Variants in ASTN2 observed in about 807,000 individuals in gnomAD.
The protein encoded by ASTN2 is astrotactin 2, also known as astrotactin-2.
ASTN2 carries 54 observed loss-of-function variants against 139.8 expected under a neutral mutation model. That is an observed-to-expected ratio of 0.39 (90% CI 0.31 to 0.48). The LOEUF is 0.48. Ranked by LOEUF, ASTN2 falls within the 20% of genes least tolerant of loss-of-function variation. The probability of loss-of-function intolerance (pLI) is 0.95; values close to 1 mark genes in which losing one functional copy is unlikely to be tolerated. For missense variants in ASTN2, 1,565 were observed against 1,725.1 expected, an observed-to-expected ratio of 0.91 and a Z score of 1.64; for synonymous variants, 756 against 719.5, an observed-to-expected ratio of 1.05 and a Z score of -0.81.
intron 19 of ASTN2, among the ~76,000 whole-genome samples, chr9:116,569,970 T>C (rs1665648191): frequency 1.3e-5 from 2 of 152,198 alleles, no homozygotes; most frequent in African/African-American, 2.4e-5. Flanking sequence ...TGTCTCCTGC[T>C]TCTGTTGGCT....
chr9:117,103,921 C>A (rs2132769628), intron 4 of ASTN2, among the ~76,000 whole-genome samples: 1 of 152,320 alleles, frequency 6.6e-6, no homozygotes, highest in Non-Finnish European at 1.5e-5. Flanking sequence ...AATGTTCATA[C>A]ACATTCACTT....
intron 5 of ASTN2, among the ~76,000 whole-genome samples, chr9:117,051,463 A>C (rs1373975761): frequency 1.3e-5 from 2 of 152,164 alleles, no homozygotes; most frequent in African/African-American, 4.8e-5. Context: ...ATTACTATGT[A>C]GTCTCTCTTC....
chr9:117,219,937 G>C (rs1362854742), intron 2 of ASTN2, among the ~76,000 whole-genome samples: 1 of 152,182 alleles, frequency 6.6e-6, no homozygotes, highest in Non-Finnish European at 1.5e-5. Flanking sequence ...ATACAGGCCA[G>C]CATGAGAATC....
At chr9:116,591,060 T>C (rs1156456750) in intron 19 of ASTN2, among the ~76,000 whole-genome samples, 1 of 152,200 alleles carries the variant, frequency 6.6e-6, no homozygotes, top group Non-Finnish European at 1.5e-5. Flanking sequence ...ACTTGCCAAA[T>C]GGCAGGGCTG....
chr9:116,815,894 C>T (rs554539056), intron 12 of ASTN2, among the ~76,000 whole-genome samples: 1 of 147,898 alleles, frequency 6.8e-6, no homozygotes, highest in African/African-American at 2.5e-5. Flanking sequence ...TAGCAAATAA[C>T]GGCAGAAAAA....
chr9:117,112,263 T>G lies in ASTN2; in HGVS notation c.1169-16112A>C, dbSNP rs184432886. Among the ~76,000 whole-genome samples the G allele has an allele frequency of 4.2e-3, 637 of 152,204 alleles. 1 individual carries two copies. The highest frequency in any genetic ancestry group is 0.012 in the South Asian group (56 of 4,816). On this transcript the variant is annotated intron_variant, in intron 4 of 22. Coordinates refer to ENST00000313400, the MANE Select transcript of ASTN2 (RefSeq NM_001365068.1). ...GTTATAATCCCAACAAGGTTTTTTT[T>G]TTTGTTTTGGTAGAAATTGACAAGG...
chr9:117,366,337 A>G lies in ASTN2; in HGVS notation c.442+48160T>C, dbSNP rs578196890. Among the ~76,000 whole-genome samples, 4 of 152,170 alleles carry G rather than the reference A, an allele frequency of 2.6e-5. No individual in the cohort carries two copies. In the South Asian group the frequency reaches 8.3e-4, roughly 32 times the overall value. The stretch of plus-strand genomic sequence containing the variant: ...ATATAGGGCACTTTCCAATGTACAG[A>G]TCCCTTTTACCTCTATTCTCTCCTT... On this transcript the variant is annotated intron_variant, in intron 1 of 22. Transcript: ENST00000313400.
At chr9:117,101,461 T>C (rs1828976198) in intron 4 of ASTN2, among the ~76,000 whole-genome samples, 1 of 152,146 alleles carries the variant, frequency 6.6e-6, no homozygotes, top group Non-Finnish European at 1.5e-5. Flanking sequence ...AGAGGTAATC[T>C]ATCTGCTGGA....
chr9:116,539,867 C>G (rs1851806132), intron 19 of ASTN2, among the ~76,000 whole-genome samples: 1 of 152,244 alleles, frequency 6.6e-6, no homozygotes, highest in East Asian at 1.9e-4. Context: ...GAAGACAAAA[C>G]CATGGATAAG....
intron 19 of ASTN2, among the ~76,000 whole-genome samples, chr9:116,539,801 G>T (rs1851804519): frequency 6.6e-6 from 1 of 152,170 alleles, no homozygotes; most frequent in South Asian, 2.1e-4. Context: ...TTTACTTCTG[G>T]AATTTTCTAT....
At chr9:116,978,522 C>CACAGAG (rs138804229) in intron 7 of ASTN2, among the ~76,000 whole-genome samples, 3 of 150,280 alleles carry the variant, frequency 2.0e-5, no homozygotes, top group African/African-American at 7.4e-5. Flanking sequence ...CACACACACA[C>CACAGAG]AGAGAGATAA....
Position 116,632,128 on chromosome 9 carries a change from A to AAGAGAGAGAGAGAGAGAGAG in ASTN2, c.3073-11705_3073-11686dup, listed in dbSNP as rs145360209. ...ACTGTGTCAAAAGAAAAAGAAAAAG[A>AAGAGAGAGAGAGAGAGAGAG]AGAGAGAGAGAGAGAGAGAGAGAGA... On this transcript the variant is annotated intron_variant, in intron 17 of 22. Coordinates refer to ENST00000313400, the MANE Select transcript of ASTN2 (RefSeq NM_001365068.1). Among the ~76,000 whole-genome samples the AAGAGAGAGAGAGAGAGAGAG allele has an allele frequency of 1.9e-4, 9 of 47,760 alleles. No individual in the cohort carries two copies. The East Asian group carries it at 4.1e-3, about 22-fold the overall frequency. The allele number at this position is 47,760 out of a possible 152,430, so 31.3% of individuals were successfully genotyped here.
At chr9:116,728,941 C>A in intron 15 of ASTN2, 51 bp downstream of exon 15, 2 of 1,480,502 alleles carry the variant, frequency 1.4e-6, no homozygotes, top group Non-Finnish European at 9.2e-7. Context: ...TCCTTGGCAA[C>A]AAGTGCTAAA....
chr9:117,100,843 T>C (rs1192245019), intron 4 of ASTN2, among the ~76,000 whole-genome samples: 2 of 152,242 alleles, frequency 1.3e-5, no homozygotes, highest in African/African-American at 4.8e-5. Flanking sequence ...GTCTAGTTAG[T>C]TTCTATATTT....
chr9:116,632,859 T>C (rs1856876670), intron 17 of ASTN2, among the ~76,000 whole-genome samples: 1 of 152,254 alleles, frequency 6.6e-6, no homozygotes. Context: ...GTTATCTATA[T>C]GTCTGTCCTC....
intron 13 of ASTN2, among the ~76,000 whole-genome samples, chr9:116,774,113 T>C (rs1210573977): frequency 6.6e-6 from 1 of 152,210 alleles, no homozygotes; most frequent in Non-Finnish European, 1.5e-5. Context: ...TGACATTGCA[T>C]GCAGCAGACT....
At chr9:117,250,559 T>C (rs1833509110) in intron 2 of ASTN2, among the ~76,000 whole-genome samples, 2 of 152,234 alleles carry the variant, frequency 1.3e-5, no homozygotes, top group South Asian at 4.1e-4. Flanking sequence ...AAACCATTCA[T>C]TTATTAATTC....
intron 13 of ASTN2, among the ~76,000 whole-genome samples, chr9:116,741,901 ATAT>A (rs1435145770): frequency 1.3e-5 from 2 of 152,216 alleles, no homozygotes; most frequent in African/African-American, 4.8e-5. Flanking sequence ...CAAGCACTCA[ATAT>A]TTAGTGATTC....
At chr9:116,882,843 G>A (rs570734040) in intron 10 of ASTN2, among the ~76,000 whole-genome samples, 3 of 142,058 alleles carry the variant, frequency 2.1e-5, no homozygotes, top group African/African-American at 7.5e-5. Flanking sequence ...AAAAAAAAAA[G>A]TATTCATTTT....
Sources: allele counts gnomAD v4.1 joint callset (sites outside exome capture counted in the v4.1 genomes callset), GRCh38; gene constraint gnomAD v4.1.1; transcripts MANE v1.5; gene names NCBI Gene and HGNC (gene_info 2026-07-23, HGNC 2026-07-21).